Variants in ARHGAP30 observed in about 807,000 individuals in gnomAD.
The protein encoded by ARHGAP30 is rho GTPase-activating protein 30.
A neutral mutation model predicts 72.0 loss-of-function variants in ARHGAP30; 23 were observed. That is an observed-to-expected ratio of 0.32 (90% CI 0.23 to 0.45). ARHGAP30 has a LOEUF of 0.45. Among genes scored for constraint, ARHGAP30 ranks in the 20% least tolerant of loss-of-function variants. The pLI, the probability that ARHGAP30 is intolerant of heterozygous loss-of-function variation, is 1.00. For synonymous variants in ARHGAP30, 576 were observed against 528.2 expected, an observed-to-expected ratio of 1.09 and a Z score of -1.24; for missense variants, 1,319 against 1,383.4, an observed-to-expected ratio of 0.95 and a Z score of 0.74.
intron 1 of ARHGAP30, among the ~76,000 whole-genome samples, chr1:161,060,854 G>A (rs891504105): frequency 1.3e-5 from 2 of 150,718 alleles, no homozygotes; most frequent in African/African-American, 4.9e-5. Flanking sequence ...GACGCCCGCC[G>A]CTACGTCTCC....
intron 2 of ARHGAP30, among the ~76,000 whole-genome samples, chr1:161,056,928 A>T (rs774276364): frequency 2.6e-5 from 4 of 152,134 alleles, no homozygotes; most frequent in Non-Finnish European, 5.9e-5. Context: ...ATGTCCTAGG[A>T]TTAGGCAACA....
At chr1:161,056,359 G>C in intron 3 of ARHGAP30, 29 bp downstream of exon 3, 1 of 1,610,272 alleles carries the variant, frequency 6.2e-7, no homozygotes, top group African/African-American at 1.3e-5. Context: ...CCTGAGCCCT[G>C]TCTTCCACCC....
intron 3 of ARHGAP30, among the ~76,000 whole-genome samples, chr1:161,056,036 T>C (rs1571096274): frequency 1.3e-5 from 2 of 152,072 alleles, no homozygotes; most frequent in African/African-American, 4.8e-5. Flanking sequence ...GTATTCTGAT[T>C]CTCTTAAGTG....
At chr1:161,049,793 A>C (rs1651214589) in intron 10 of ARHGAP30, 104 bp from the exon 11 acceptor site, 1 of 1,424,410 alleles carries the variant, frequency 7.0e-7, no homozygotes, top group African/African-American at 1.4e-5. Flanking sequence ...CACTCCCAGC[A>C]TTGCTACTCT....
Position 161,047,350 on chromosome 1 carries a change from T to C in ARHGAP30, c.*365A>G, listed in dbSNP as rs1318914146. The C allele has an allele frequency of 5.9e-6, 1 of 170,752 alleles. No individual in the cohort carries two copies. The highest frequency in any genetic ancestry group is 1.3e-5 in the Non-Finnish European group (1 of 79,022). 10.6% of individuals were successfully genotyped at this position (170,752 alleles called of 1,614,324 possible). On this transcript the variant is annotated 3_prime_UTR_variant, in exon 12 of 12. Coordinates refer to ENST00000368013, the MANE Select transcript of ARHGAP30 (RefSeq NM_001025598.2). ...GCCCTGTCCTCCCTGTCTCTACCTT[T>C]GGCTTTCATGAAGAGAGATTCACAG...
At position 161,048,829 on chromosome 1, in the gene ARHGAP30, G is replaced by C. The variant is rs1571067609; in HGVS notation, c.2192C>G (p.Ala731Gly). ...TCCTCCTGGTTCCTCCACACCTTTAGCCTCCATACTGTCAGCCTTCTTCTG... is the reference window on the plus strand; with the variant it reads ...TCCTCCTGGTTCCTCCACACCTTTACCCTCCATACTGTCAGCCTTCTTCTG... ...KGQKKADSMEAKGVEEPGGDE... is the reference protein window; with the variant it reads ...KGQKKADSMEGKGVEEPGGDE... The change falls in exon 12 of 12, where the codon GCT becomes GGT. Residue 731 changes from alanine (A) to glycine (G), a missense_variant. Ala to Gly is a moderately conservative substitution (Grantham distance 60). This residue lies in a region of ARHGAP30 where 1,097 missense variants were observed against 1,045.2 expected (regional missense o/e 1.05). Transcript: ENST00000368013. 4 of 1,613,626 alleles carry C rather than the reference G, an allele frequency of 2.5e-6. No homozygotes were observed. The highest frequency in any genetic ancestry group is 3.4e-6 in the Non-Finnish European group (4 of 1,179,960).
At chr1:161,053,038 G>T in intron 6 of ARHGAP30, 2 of 856,938 alleles carry the variant, frequency 2.3e-6, no homozygotes, top group Non-Finnish European at 3.5e-6. Flanking sequence ...AGCCTTGGGA[G>T]CCAGGATGGT....
chr1:161,064,545 G>T (rs1379486033), intron 1 of ARHGAP30, among the ~76,000 whole-genome samples: 1 of 152,020 alleles, frequency 6.6e-6, no homozygotes, highest in African/African-American at 2.4e-5. Flanking sequence ...GATCACTTGA[G>T]ATCAGGAGTT....
rs1211334394 is a variant in ARHGAP30, at chr1:161,054,310, C to T, written c.536+56G>A. 2.6e-6 allele frequency: 4 copies of T among 1,509,868 alleles called. No individual in the cohort carries two copies. In the African/African-American group the frequency reaches 4.1e-5, roughly 16 times the overall value. 93.5% of individuals were successfully genotyped at this position (1,509,868 alleles called of 1,614,324 possible). ...AGTCACACCTCATCCTGGGAGCAGC[C>T]TCCCAAAGGCCAGTGTCTCACAGGA... On this transcript the variant is annotated intron_variant, in intron 5 of 11. Coordinates refer to ENST00000368013, the MANE Select transcript of ARHGAP30 (RefSeq NM_001025598.2).
Position 161,054,478 on chromosome 1 carries a change from A to G in ARHGAP30, c.429-5T>C, listed in dbSNP as rs753058586. ...CTCATGAGGAACTCCAGGGTCCTGC[A>G]GAAAGCGGGGGCAGGGATCACACAG... On this transcript the variant is annotated splice_polypyrimidine_tract_variant and splice_region_variant and intron_variant, in intron 4 of 11. Transcript: ENST00000368013. 5.6e-5 allele frequency: 90 copies of G among 1,613,684 alleles called. No homozygotes were observed. Among genetic ancestry groups the G allele is most frequent in the Non-Finnish European group, 7.1e-5 (84 of 1,179,714 alleles).
At chr1:161,055,896 A>T (rs1342871158) in intron 3 of ARHGAP30, among the ~76,000 whole-genome samples, 33 of 119,964 alleles carry the variant, frequency 2.8e-4, no homozygotes, top group Middle Eastern at 4.1e-3. Context: ...TAAATAAAAT[A>T]AAATAAAATA....
rs776959706 is a variant in ARHGAP30, at chr1:161,047,683, C to G, written c.*32G>C. ...AACCCTGGAGATTCAAGACAACTTG[C>G]TGGTCCCCTTTGCCCAGGGCTGTGG... On this transcript the variant is annotated 3_prime_UTR_variant, in exon 12 of 12. Transcript: ENST00000368013. 1.3e-6 allele frequency: 2 copies of G among 1,495,852 alleles called. No individual in the cohort carries two copies. The highest frequency in any genetic ancestry group is 1.8e-6 in the Non-Finnish European group (2 of 1,122,584). The allele number at this position is 1,495,852 out of a possible 1,614,324, so 92.7% of individuals were successfully genotyped here. A position where few individuals can be genotyped will look rare whatever the true frequency, so the allele number is the denominator to read the frequency against.
At chr1:161,054,253 G>A (rs1367230908) in intron 5 of ARHGAP30, 113 bp downstream of exon 5, 1 of 942,234 alleles carries the variant, frequency 1.1e-6, no homozygotes, top group South Asian at 1.5e-5. Context: ...TGGGCTTTGT[G>A]AGCCCTACAC....
At chr1:161,053,003 C>T (rs1368143916) in intron 6 of ARHGAP30, 2 of 873,498 alleles carry the variant, frequency 2.3e-6, no homozygotes, top group Non-Finnish European at 3.4e-6. Context: ...GCCTGGTGGG[C>T]TGGGGGTGGA....
rs1379761217 is a variant in ARHGAP30 at position 161,047,700 on chromosome 1, G to C, written c.*15C>G. The C allele has an allele frequency of 6.0e-6, 9 of 1,509,188 alleles. No individual in the cohort carries two copies. In the African/African-American group the frequency reaches 1.3e-4, roughly 21 times the overall value. The allele number at this position is 1,509,188 out of a possible 1,614,324, so 93.5% of individuals were successfully genotyped here. ...ACAACTTGCTGGTCCCCTTTGCCCA[G>C]GGCTGTGGTCCTAATCACAGTCCTT... On this transcript the variant is annotated 3_prime_UTR_variant, in exon 12 of 12. Coordinates refer to ENST00000368013, the MANE Select transcript of ARHGAP30 (RefSeq NM_001025598.2).
At position 161,056,376 on chromosome 1, in the gene ARHGAP30, C is replaced by G; in HGVS notation, c.345+12G>C. ...TGAGCCCTGTCTTCCACCCCTCGGC[C>G]TCTCAACTCACAGCAAACTTGTCAT... is the stretch of plus-strand genomic sequence containing the variant. On this transcript the variant is annotated intron_variant, in intron 3 of 11. Transcript: ENST00000368013. The G allele has an allele frequency of 6.2e-7, 1 of 1,612,854 alleles. No individual in the cohort carries two copies.
At position 161,069,853 on chromosome 1, in the gene ARHGAP30, G is replaced by A. The variant is rs1185206525; in HGVS notation, c.-229C>T. 9 of 575,140 alleles carry A rather than the reference G, an allele frequency of 1.6e-5. No homozygotes were observed. Among genetic ancestry groups the A allele is most frequent in the South Asian group, 1.4e-4 (7 of 48,344 alleles). 35.6% of individuals were successfully genotyped at this position (575,140 alleles called of 1,614,324 possible). ...GAGGAAGCTACCAGGACCCTGGCAA[G>A]AAATTGTGTCCTGTGTCTCGTGGCC... On this transcript the variant is annotated 5_prime_UTR_variant, in exon 1 of 12. Transcript: ENST00000368013. This position sits in a 1 kb window ranked among gnomAD's most constrained non-coding sequence, Gnocchi z 4.9.
intron 1 of ARHGAP30, among the ~76,000 whole-genome samples, chr1:161,061,008 ACTTAT>A (rs1482738708): frequency 6.7e-6 from 1 of 150,092 alleles, no homozygotes; most frequent in Non-Finnish European, 1.5e-5. Flanking sequence ...CTGGCCAAGG[ACTTAT>A]CTTAAAAGTG....
intron 5 of ARHGAP30, 79 bp from the exon 6 acceptor site, chr1:161,053,464 C>G: frequency 2.9e-6 from 1 of 339,408 alleles, no homozygotes; most frequent in Non-Finnish European, 3.9e-6. Context: ...ATACCTTATT[C>G]TCTCTCTCTC....
Sources: gnomAD v4.1 joint callset for allele counts (sites outside exome capture counted in the v4.1 genomes callset) on GRCh38, gnomAD v4.1.1 for gene constraint, gnomAD v4.1.1 regional missense constraint, Gnocchi (gnomAD v3.1) non-coding constraint, MANE v1.5 for transcripts, NCBI Gene and HGNC (gene_info 2026-07-23, HGNC 2026-07-21) for gene names.